CPNE2: variants seen among roughly 807,000 people sequenced by gnomAD.
CPNE2 encodes copine-2.
Under a neutral mutation model 69.7 loss-of-function variants are expected in CPNE2, and 42 were observed. The observed-to-expected ratio is 0.60, with a 90% CI of 0.47 to 0.78. CPNE2 has a LOEUF of 0.78. Ranked by LOEUF, CPNE2 falls within the 30% of genes least tolerant of loss-of-function variation. The probability of loss-of-function intolerance (pLI) is 0.00; values close to 1 mark genes in which losing one functional copy is unlikely to be tolerated. For synonymous variants in CPNE2, 294 were observed against 289.8 expected (o/e 1.01, Z -0.15); for missense variants, 587 against 732.0 (o/e 0.80, Z 2.29).
intron 1 of CPNE2, among the ~76,000 whole-genome samples, chr16:57,095,041 C>G (rs867834220): frequency 2.0e-5 from 3 of 152,216 alleles, no homozygotes; most frequent in Non-Finnish European, 2.9e-5. Flanking sequence ...TCCCTCTCCC[C>G]TCCCCTGAAC....
chr16:57,129,347 C>CAAGGAAACT (rs561728372), intron 12 of CPNE2, among the ~76,000 whole-genome samples: 172 of 152,204 alleles, frequency 1.1e-3, no homozygotes, highest in African/African-American at 3.7e-3. Context: ...GGGGCGAAGG[C>CAAGGAAACT]AAGGAAACTC....
intron 9 of CPNE2, among the ~76,000 whole-genome samples, chr16:57,123,136 A>G (rs2069775014): frequency 6.6e-6 from 1 of 152,176 alleles, no homozygotes; most frequent in South Asian, 2.1e-4. Context: ...ACTCTGTGTC[A>G]GGTAACTGAC....
intron 13 of CPNE2, among the ~76,000 whole-genome samples, chr16:57,135,888 AAAAGG>A (rs1747020133): frequency 6.7e-6 from 1 of 149,716 alleles, no homozygotes; most frequent in African/African-American, 2.5e-5. Flanking sequence ...AAAAAAAAAA[AAAAGG>A]AAGGAGAAAA....
At chr16:57,114,968 G>A (rs12925442) in intron 3 of CPNE2, among the ~76,000 whole-genome samples, 1,854 of 133,326 alleles carry the variant, frequency 0.014, 27 homozygotes, top group East Asian at 0.1. Context: ...AAAGCCAGGC[G>A]TGGTGATGCA....
chr16:57,132,566 A>G (rs1283112651), intron 12 of CPNE2, among the ~76,000 whole-genome samples: 1 of 152,196 alleles, frequency 6.6e-6, no homozygotes, highest in Non-Finnish European at 1.5e-5. Flanking sequence ...GGTTGGGTGA[A>G]CAGGGCCATT....
intron 1 of CPNE2, among the ~76,000 whole-genome samples, chr16:57,107,716 C>A (rs2069656519): frequency 1.3e-5 from 2 of 152,192 alleles, no homozygotes; most frequent in Admixed American, 6.5e-5. Context: ...CAGTTCTCTG[C>A]TTCTAAGACT....
intron 9 of CPNE2, among the ~76,000 whole-genome samples, chr16:57,122,415 C>G (rs576153074): frequency 9.9e-5 from 15 of 152,160 alleles, no homozygotes; most frequent in African/African-American, 3.6e-4. Flanking sequence ...AGGGTTTACA[C>G]GAACATTCAG....
chr16:57,108,146 A>G (rs1399816925), intron 1 of CPNE2, among the ~76,000 whole-genome samples: 2 of 152,210 alleles, frequency 1.3e-5, no homozygotes, highest in African/African-American at 4.8e-5. Flanking sequence ...CTGGGATTAC[A>G]GGCATGAGCC....
intron 7 of CPNE2, among the ~76,000 whole-genome samples, chr16:57,119,859 C>A (rs932232894): frequency 2.0e-5 from 3 of 152,240 alleles, no homozygotes; most frequent in Non-Finnish European, 4.4e-5. Flanking sequence ...CACCTTTGAG[C>A]CCCTCTCTAA....
At chr16:57,144,151 T>C (rs1482374520) in intron 14 of CPNE2, 1 of 152,202 alleles carries the variant, frequency 6.6e-6, no homozygotes, top group Non-Finnish European at 1.5e-5. Flanking sequence ...CAGCCAGGGA[T>C]GGGGGGCTGG....
At chr16:57,108,925 G>A (rs757112926) in intron 1 of CPNE2, among the ~76,000 whole-genome samples, 5 of 152,202 alleles carry the variant, frequency 3.3e-5, no homozygotes, top group Admixed American at 6.5e-5. Context: ...GGCATATGGA[G>A]GGTTTGTCCA....
At chr16:57,135,873 CAAA>C (rs750583046) in intron 13 of CPNE2, among the ~76,000 whole-genome samples, 6 of 69,200 alleles carry the variant, frequency 8.7e-5, no homozygotes, top group Admixed American at 1.5e-4. Flanking sequence ...GACTCTGTCT[CAAA>C]AAAAAAAAAA....
Position 57,117,549 on chromosome 16 carries a change from C to A in CPNE2, c.489C>A (p.Gly163=). ...GCGTCATCACACTAAGCCTGGCGGG[C>A]AGGAGGCTGGACAAGAAGGTAAGGC... The part of the protein sequence containing the change: ...DNRVITLSLA[G]RRLDKKDLFG... Residue 163 remains glycine (G), a synonymous_variant, in exon 5 of 16, where the codon GGC becomes GGA. Coordinates refer to ENST00000290776, the MANE Select transcript of CPNE2 (RefSeq NM_152727.6). The A allele has an allele frequency of 6.2e-7, 1 of 1,613,926 alleles. No homozygotes were observed. The highest frequency in any genetic ancestry group is 8.5e-7 in the Non-Finnish European group (1 of 1,179,938).
At chr16:57,100,488 AT>A (rs1254766953) in intron 1 of CPNE2, among the ~76,000 whole-genome samples, 1 of 152,182 alleles carries the variant, frequency 6.6e-6, no homozygotes, top group African/African-American at 2.4e-5. Context: ...GCATTTTGTA[AT>A]TTCCATGTGT....
intron 13 of CPNE2, among the ~76,000 whole-genome samples, 187 bp from the exon 14 acceptor site, chr16:57,136,962 A>G (rs1430976561): frequency 6.6e-6 from 1 of 152,226 alleles, no homozygotes; most frequent in African/African-American, 2.4e-5. Context: ...CTTCACATTC[A>G]GGGCTCTTGG....
intron 10 of CPNE2, 29 bp downstream of exon 10, chr16:57,123,502 C>T (rs2145261702): frequency 6.2e-7 from 1 of 1,609,374 alleles, no homozygotes; most frequent in Non-Finnish European, 8.5e-7. Context: ...GCTCCCTCTG[C>T]ACCCCCATCC....
At chr16:57,120,570 A>G (rs1187246405) in intron 7 of CPNE2, among the ~76,000 whole-genome samples, 3 of 152,206 alleles carry the variant, frequency 2.0e-5, no homozygotes, top group African/African-American at 7.2e-5. Flanking sequence ...CCCAAGTAGG[A>G]TACCAGGAAT....
At chr16:57,093,915 G>A (rs2069561388) in intron 1 of CPNE2, 2 of 377,790 alleles carry the variant, frequency 5.3e-6, no homozygotes, top group African/African-American at 2.1e-5. Flanking sequence ...GGAGGCCTGG[G>A]AGACCTGGGT....
At chr16:57,129,159 T>C (rs1159788386) in intron 12 of CPNE2, 1 of 152,850 alleles carries the variant, frequency 6.5e-6, no homozygotes, top group Non-Finnish European at 1.5e-5. Flanking sequence ...AGGTGGGTGA[T>C]AGACCCTCCA....
Sources: allele counts gnomAD v4.1 joint callset (sites outside exome capture counted in the v4.1 genomes callset), GRCh38; gene constraint gnomAD v4.1.1; transcripts MANE v1.5; gene names NCBI Gene and HGNC (gene_info 2026-07-23, HGNC 2026-07-21).